Variants in ZNF669 observed in about 807,000 individuals in gnomAD.
The protein encoded by ZNF669 is zinc finger protein 669.
In ZNF669, 7 loss-of-function variants were observed where a neutral mutation model predicts 11.4. The observed-to-expected ratio is 0.62, with a 90% CI of 0.35 to 1.16. The LOEUF (loss-of-function observed/expected upper bound fraction) is 1.16, where lower values mean the gene tolerates loss of function less well. Ranked by LOEUF, ZNF669 falls within the 50% of genes most tolerant of loss-of-function variation. ZNF669 has a pLI of 0.02. For synonymous variants in ZNF669, 153 were observed against 155.8 expected, an observed-to-expected ratio of 0.98 and a Z score of 0.13; for missense variants, 492 against 463.6, an observed-to-expected ratio of 1.06 and a Z score of -0.56.
chr1:247,100,275 T>C lies in ZNF669; in HGVS notation c.*99A>G, dbSNP rs954370388. On this transcript the variant is annotated 3_prime_UTR_variant, in exon 4 of 4. Transcript: ENST00000448299. ...CTGGGATTACAGGCGTAAGCCACCG[T>C]GCCCGGCATTATTTTATTTTTTGTA... 7 of 781,774 alleles carry C rather than the reference T, an allele frequency of 9.0e-6. No individual in the cohort carries two copies. The highest frequency in any genetic ancestry group is 3.8e-4 in the Middle Eastern group (1 of 2,650). 48.4% of individuals were successfully genotyped at this position (781,774 alleles called of 1,614,324 possible). A position where few individuals can be genotyped will look rare whatever the true frequency, so the allele number is the denominator to read the frequency against.
chr1:247,100,689 T>C lies in ZNF669; in HGVS notation c.822A>G (p.Arg274=), dbSNP rs1476064739. Residue 274 remains arginine (R), a synonymous_variant, in exon 4 of 4, where the codon AGA becomes AGG. Transcript: ENST00000448299. The stretch of plus-strand genomic sequence containing the variant: ...TGCCACATTGTTTACACTCATAGGG[T>C]CTCTCTCCAGTATGAATGCTTCCAT... The part of the protein sequence containing the change: ...RYHGSIHTGE[R]PYECKQCGKA... 6.2e-7 allele frequency: 1 copy of C among 1,614,008 alleles called. No individual in the cohort carries two copies. Among genetic ancestry groups the C allele is most frequent in the Non-Finnish European group, 8.5e-7 (1 of 1,179,994 alleles).
chr1:247,103,931 C>G, intron 1 of ZNF669: 1 of 1,594,508 alleles, frequency 6.3e-7, no homozygotes, highest in Non-Finnish European at 8.5e-7. Flanking sequence ...CCGTGGTCAC[C>G]ACACTACCTG....
chr1:247,101,373 A>G, intron 3 of ZNF669, 54 bp from the exon 4 acceptor site: 3 of 1,501,510 alleles, frequency 2.0e-6, no homozygotes, highest in Non-Finnish European at 2.6e-6. Context: ...ATAACTTTCT[A>G]CTTATTAATA....
intron 1 of ZNF669, among the ~76,000 whole-genome samples, chr1:247,102,819 A>G (rs1466265867): frequency 6.6e-6 from 1 of 152,262 alleles, no homozygotes; most frequent in Non-Finnish European, 1.5e-5. Context: ...TTAATTGAGT[A>G]GTAAATAAAA....
At chr1:247,103,941 G>T (rs1206181874) in intron 1 of ZNF669, 1 of 1,599,452 alleles carries the variant, frequency 6.3e-7, no homozygotes, top group Non-Finnish European at 8.5e-7. Flanking sequence ...CACACTACCT[G>T]GATAGGGGAG....
intron 3 of ZNF669, 81 bp downstream of exon 3, chr1:247,101,649 TG>T: frequency 3.0e-6 from 4 of 1,320,746 alleles, no homozygotes; most frequent in Non-Finnish European, 1.1e-6. Flanking sequence ...GACTCTTATT[TG>T]TTTTGATTGC....
rs201782106 is a variant in ZNF669, at chr1:247,102,129, C to T, written c.4-16G>A. 15 of 1,577,634 alleles carry T rather than the reference C, an allele frequency of 9.5e-6. No homozygotes were observed. Among genetic ancestry groups the T allele is most frequent in the Non-Finnish European group, 1.1e-5 (13 of 1,163,460 alleles). On this transcript the variant is annotated splice_polypyrimidine_tract_variant and intron_variant, in intron 1 of 3. Transcript: ENST00000448299. ...CCACCGAGTCCTAGAACATTCCACA[C>T]ATGTGGATAGAAGGATGGGTGAGAC...
Position 247,100,634 on chromosome 1 carries a change from T to C in ZNF669, c.877A>G (p.Asn293Asp), listed in dbSNP as rs756033836. Reference protein sequence around the residue: ...KAFSRLSSLCNHRSTHTGEKP... With the variant: ...KAFSRLSSLCDHRSTHTGEKP... ...TCTCCGGTATGAGTACTTCTATGGT[T>C]ACAAAGGGAACTCAAACGACTAAAG... Residue 293 changes from asparagine to aspartate, a missense_variant, in exon 4 of 4, where the codon AAC becomes GAC. By Grantham distance (23) the Asn-to-Asp change is conservative (BLOSUM62 1). Transcript: ENST00000448299. 1 of 1,614,092 alleles carries C rather than the reference T, an allele frequency of 6.2e-7. No individual in the cohort carries two copies. The highest frequency in any genetic ancestry group is 8.5e-7 in the Non-Finnish European group (1 of 1,179,924).
At position 247,103,993 on chromosome 1, in the gene ZNF669, C is replaced by A. The variant is rs1291240742; in HGVS notation, c.3+204G>T. On this transcript the variant is annotated intron_variant, in intron 1 of 3. Transcript: ENST00000448299. ...AGGGCTCCGGCCGGCGGAAGTGGCG[C>A]CCGCAGGTACAGACAGGATGCAGGG... The A allele has an allele frequency of 3.7e-6, 6 of 1,602,854 alleles. No homozygotes were observed. The Admixed American group carries it at 1.0e-4, about 28-fold the overall frequency.
In ZNF669 at chr1:247,101,087, C is replaced by T. The variant is rs563768242; in HGVS notation, c.424G>A (p.Gly142Arg). ...GEKQYKCEQCGKFFVSVPGVR... is the reference protein window; with the variant it reads ...GEKQYKCEQCRKFFVSVPGVR... Reference sequence around the variant, plus strand: ...CCTGGAACAGAAACGAAGAATTTCCCACACTGTTCACATTTATATTGCTTC... The same window carrying T: ...CCTGGAACAGAAACGAAGAATTTCCTACACTGTTCACATTTATATTGCTTC... The change falls in exon 4 of 4, where the codon GGG becomes AGG. Residue 142 changes from glycine (G) to arginine (R), a missense_variant. Gly to Arg is a moderately radical substitution (Grantham distance 125). Coordinates refer to ENST00000448299, the MANE Select transcript of ZNF669 (RefSeq NM_001142572.2). 1.9e-5 allele frequency: 30 copies of T among 1,614,040 alleles called. No individual in the cohort carries two copies. In the South Asian group the frequency reaches 3.3e-4, roughly 18 times the overall value.
chr1:247,101,207 GT>G lies in ZNF669; in HGVS notation c.303del (p.Lys101AsnfsTer23). ...TTTCCACAAATACTGCATTCACATG[GT>G]TTTAATCCAGTAGAAATGTTCTCGT... Reference protein sequence around the residue: ...DLNENISTGLKPCECSICGKV... With the variant: ...DLNENISTGLXPCECSICGKV... On this transcript the variant is annotated frameshift_variant, in exon 4 of 4. Transcript: ENST00000448299. LOFTEE classifies it low-confidence loss of function (END_TRUNC). 7 of 1,614,050 alleles carry G rather than the reference GT, an allele frequency of 4.3e-6. No homozygotes were observed. The highest frequency in any genetic ancestry group is 4.2e-6 in the Non-Finnish European group (5 of 1,180,000).
chr1:247,104,005 G>A (rs1374653688), intron 1 of ZNF669, 192 bp downstream of exon 1: 1 of 1,601,424 alleles, frequency 6.2e-7, no homozygotes, highest in African/African-American at 1.3e-5. Context: ...CGCAGGTACA[G>A]ACAGGATGCA....
chr1:247,103,829 G>A, intron 1 of ZNF669: 2 of 1,329,580 alleles, frequency 1.5e-6, no homozygotes, highest in East Asian at 2.7e-5. Context: ...GGGGAAGAAA[G>A]GTGGGACTGG....
intron 1 of ZNF669, chr1:247,103,849 G>A: frequency 1.4e-6 from 2 of 1,437,084 alleles, no homozygotes; most frequent in Admixed American, 2.8e-5. Context: ...GAAGCCCCAT[G>A]AACCACAGCT....
chr1:247,100,793 T>C lies in ZNF669; in HGVS notation c.718A>G (p.Arg240Gly), dbSNP rs771121080. The C allele has an allele frequency of 3.7e-6, 6 of 1,613,790 alleles. No homozygotes were observed. The highest frequency in any genetic ancestry group is 2.2e-5 in the East Asian group (1 of 44,900). The part of the protein sequence containing the change: ...RFSCSFKTHE[R>G]THTGERPYKC... ...TAGGGTCTTTCTCCAGTGTGAGTCC[T>C]TTCATGCGTCTTAAAAGAACAAGAA... The change falls in exon 4 of 4, where the codon AGG becomes GGG. Residue 240 changes from arginine (R) to glycine (G), a missense_variant. By Grantham distance (125) the Arg-to-Gly change is moderately radical (BLOSUM62 -2). Coordinates refer to ENST00000448299, the MANE Select transcript of ZNF669 (RefSeq NM_001142572.2).
In ZNF669 at chr1:247,100,688, G is replaced by T. The variant is rs1237397445; in HGVS notation, c.823C>A (p.Pro275Thr). Residue 275 changes from proline to threonine, a missense_variant, in exon 4 of 4, where the codon CCC becomes ACC. By Grantham distance (38) the Pro-to-Thr change is conservative (BLOSUM62 -1). Coordinates refer to ENST00000448299, the MANE Select transcript of ZNF669 (RefSeq NM_001142572.2). Reference protein sequence around the residue: ...YHGSIHTGERPYECKQCGKAF... With the variant: ...YHGSIHTGERTYECKQCGKAF... ...TTGCCACATTGTTTACACTCATAGGGTCTCTCTCCAGTATGAATGCTTCCA... is the reference window on the plus strand; with the variant it reads ...TTGCCACATTGTTTACACTCATAGGTTCTCTCTCCAGTATGAATGCTTCCA... The T allele has an allele frequency of 6.2e-7, 1 of 1,614,150 alleles. No individual in the cohort carries two copies. Among genetic ancestry groups the T allele is most frequent in the Non-Finnish European group, 8.5e-7 (1 of 1,179,998 alleles).
Position 247,101,105 on chromosome 1 carries a change from A to G in ZNF669, c.406T>C (p.Tyr136His). Residue 136 changes from tyrosine to histidine, a missense_variant, in exon 4 of 4, where the codon TAT becomes CAT. Physicochemically the swap from Tyr to His is moderately conservative, Grantham distance 83. Coordinates refer to ENST00000448299, the MANE Select transcript of ZNF669 (RefSeq NM_001142572.2). Reference protein sequence around the residue: ...SGYKPYGEKQYKCEQCGKFFV... With the variant: ...SGYKPYGEKQHKCEQCGKFFV... Reference sequence around the variant, plus strand: ...AATTTCCCACACTGTTCACATTTATATTGCTTCTCTCCATATGGTTTGTAT... The same window carrying G: ...AATTTCCCACACTGTTCACATTTATGTTGCTTCTCTCCATATGGTTTGTAT... The G allele has an allele frequency of 6.2e-6, 10 of 1,614,076 alleles. No individual in the cohort carries two copies. The highest frequency in any genetic ancestry group is 5.9e-6 in the Non-Finnish European group (7 of 1,180,018).
At chr1:247,101,617 TA>T in intron 3 of ZNF669, 113 bp downstream of exon 3, 1 of 1,107,216 alleles carries the variant, frequency 9.0e-7, no homozygotes, top group East Asian at 2.6e-5. Context: ...GAAATTTTTC[TA>T]AAAATAAATA....
intron 3 of ZNF669, 95 bp downstream of exon 3, chr1:247,101,636 A>C (rs893273026): frequency 8.3e-7 from 1 of 1,202,546 alleles, no homozygotes; most frequent in African/African-American, 1.5e-5. Flanking sequence ...ATAAATTTCA[A>C]GTGACTCTTA....
Sources: gnomAD v4.1 joint callset for allele counts (sites outside exome capture counted in the v4.1 genomes callset) on GRCh38, gnomAD v4.1.1 for gene constraint, MANE v1.5 for transcripts, NCBI Gene and HGNC (gene_info 2026-07-23, HGNC 2026-07-21) for gene names.